The following ACYP2 variants were observed in gnomAD, a reference collection of about 807,000 sequenced individuals.
The protein encoded by ACYP2 is acylphosphatase-2.
In ACYP2, 12 loss-of-function variants were observed where a neutral mutation model predicts 11.2. The observed-to-expected ratio is 1.08, with a 90% CI of 0.69 to 1.74. The LOEUF (loss-of-function observed/expected upper bound fraction) is 1.74. Ranked by LOEUF, ACYP2 falls within the 40% of genes most tolerant of loss-of-function variation. ACYP2 has a pLI of 0.00. For synonymous variants in ACYP2, 43 were observed against 32.2 expected (o/e 1.33, Z -1.13); for missense variants, 134 against 101.9 (o/e 1.31, Z -1.35).
intron 6 of ACYP2, among the ~76,000 whole-genome samples, chr2:54,153,841 C>A (rs1682312012): frequency 6.6e-6 from 1 of 152,120 alleles, no homozygotes; most frequent in South Asian, 2.1e-4. Flanking sequence ...ACCTCGTGAT[C>A]TGCCTGCCTC....
intron 6 of ACYP2, among the ~76,000 whole-genome samples, chr2:54,219,195 T>C (rs1275273034): frequency 6.6e-6 from 1 of 151,724 alleles, no homozygotes; most frequent in Non-Finnish European, 1.5e-5. Flanking sequence ...AAAGATGGAG[T>C]TGACTAGAAA....
intron 4 of ACYP2, among the ~76,000 whole-genome samples, chr2:54,096,832 G>A (rs1049588366): frequency 1.3e-5 from 2 of 152,090 alleles, no homozygotes; most frequent in Admixed American, 1.3e-4. Context: ...GGAAAGAGAG[G>A]GAGAGGGAGA....
At chr2:54,267,365 G>T in intron 6 of ACYP2, 7 of 1,544,860 alleles carry the variant, frequency 4.5e-6, no homozygotes, top group Non-Finnish European at 6.1e-6. Context: ...GGAGAATTCA[G>T]GTGAGAGGTT....
intron 4 of ACYP2, among the ~76,000 whole-genome samples, chr2:54,119,771 T>C (rs539247411): frequency 2.0e-5 from 3 of 152,356 alleles, no homozygotes; most frequent in Non-Finnish European, 2.9e-5. Flanking sequence ...AAGTCCTTAC[T>C]TTTTTCAAGG....
At chr2:54,076,487 A>C (rs939204262) in intron 4 of ACYP2, among the ~76,000 whole-genome samples, 1 of 152,190 alleles carries the variant, frequency 6.6e-6, no homozygotes, top group African/African-American at 2.4e-5. Context: ...CCAGTGGCCC[A>C]GTCCCTAACT....
rs569376096 is a variant in ACYP2 at position 54,179,136 on chromosome 2, C to T, written c.404+40388C>T. On this transcript the variant is annotated intron_variant, in intron 6 of 6. Transcript: ENST00000607452. Reference sequence around the variant, plus strand: ...AGCACATTAAGGGAATGCCTTAATGCGCTTATTAAATGAAGTTTTTTGAGA... The same window carrying T: ...AGCACATTAAGGGAATGCCTTAATGTGCTTATTAAATGAAGTTTTTTGAGA... 4.5e-4 allele frequency among the ~76,000 whole-genome samples: 68 copies of T among 151,448 alleles called. No homozygotes were observed. The South Asian group carries it at 0.013, about 29-fold the overall frequency.
intron 6 of ACYP2, among the ~76,000 whole-genome samples, chr2:54,205,615 G>T (rs1053057293): frequency 1.3e-5 from 2 of 152,170 alleles, no homozygotes; most frequent in African/African-American, 4.8e-5. Flanking sequence ...AGATGGTAAA[G>T]ACCCATCTCT....
chr2:54,129,803 T>A (rs896166952), intron 4 of ACYP2, among the ~76,000 whole-genome samples: 10 of 148,850 alleles, frequency 6.7e-5, no homozygotes, highest in African/African-American at 2.4e-4. Context: ...AAACTTAAAG[T>A]CTAATAAATA....
chr2:54,276,367 A>G (rs1305722969), intron 6 of ACYP2, among the ~76,000 whole-genome samples: 1 of 152,158 alleles, frequency 6.6e-6, no homozygotes, highest in Non-Finnish European at 1.5e-5. Context: ...ACATTAGTCT[A>G]ATAGTTGTCA....
At chr2:54,043,601 T>A (rs1000684483) in intron 2 of ACYP2, among the ~76,000 whole-genome samples, 1 of 152,154 alleles carries the variant, frequency 6.6e-6, no homozygotes, top group Non-Finnish European at 1.5e-5. Context: ...AATTAAAAAA[T>A]TTTTTCCTGT....
rs930577823 is a variant in ACYP2, at chr2:54,256,211, G to A, written c.405-48477G>A. 7.2e-6 allele frequency: 11 copies of A among 1,530,194 alleles called. No individual in the cohort carries two copies. In the South Asian group the frequency reaches 1.2e-4, roughly 16 times the overall value. 94.8% of individuals were successfully genotyped at this position (1,530,194 alleles called of 1,614,324 possible). On this transcript the variant is annotated intron_variant, in intron 6 of 6. Transcript: ENST00000607452. ...CAGGCCAGAGGTAGGTAGCGTCAAC[G>A]TTCCTCACACAAAATGGCGAGTAAA... is the stretch of plus-strand genomic sequence containing the variant.
chr2:54,177,576 A>ATTTTTT (rs370517956), intron 6 of ACYP2, among the ~76,000 whole-genome samples: 3 of 130,776 alleles, frequency 2.3e-5, no homozygotes, highest in African/African-American at 2.8e-5. Flanking sequence ...GATACCTACT[A>ATTTTTT]TTTTTTTTTT....
intron 6 of ACYP2, among the ~76,000 whole-genome samples, chr2:54,163,837 C>T (rs971146699): frequency 1.3e-5 from 2 of 151,818 alleles, no homozygotes; most frequent in Admixed American, 6.6e-5. Flanking sequence ...GCCTGGCCAC[C>T]AAGAGCAAAA....
At chr2:54,231,372 T>G (rs187385102) in intron 6 of ACYP2, among the ~76,000 whole-genome samples, 5 of 152,340 alleles carry the variant, frequency 3.3e-5, no homozygotes, top group Non-Finnish European at 7.3e-5. Flanking sequence ...AGAAAAATAC[T>G]AAGATATAGC....
intron 6 of ACYP2, among the ~76,000 whole-genome samples, chr2:54,162,370 GCTT>G (rs917945345): frequency 5.3e-5 from 8 of 152,266 alleles, no homozygotes; most frequent in African/African-American, 1.9e-4. Context: ...TTTTGCTGCT[GCTT>G]CTTTTTCTTT....
At chr2:54,066,362 A>G (rs1489126043) in intron 4 of ACYP2, among the ~76,000 whole-genome samples, 1 of 152,224 alleles carries the variant, frequency 6.6e-6, no homozygotes, top group Non-Finnish European at 1.5e-5. Flanking sequence ...GCCTCGCCAG[A>G]CATGCAGAAC....
At chr2:54,084,682 C>G (rs1677852712) in intron 4 of ACYP2, 1 of 152,084 alleles carries the variant, frequency 6.6e-6, no homozygotes, top group Non-Finnish European at 1.5e-5. Flanking sequence ...CCACTGAAGC[C>G]AGACATTTGA....
At chr2:54,294,480 G>A (rs544745656) in intron 6 of ACYP2, among the ~76,000 whole-genome samples, 1 of 152,172 alleles carries the variant, frequency 6.6e-6, no homozygotes, top group Admixed American at 6.5e-5. Context: ...CGGTGGGATG[G>A]TATCTGCAGG....
intron 6 of ACYP2, among the ~76,000 whole-genome samples, chr2:54,145,368 G>A (rs1183275183): frequency 6.6e-6 from 1 of 152,182 alleles, no homozygotes; most frequent in Non-Finnish European, 1.5e-5. Context: ...TTGAATGAAG[G>A]AACTGATTTT....
Sources: gnomAD v4.1 joint callset for allele counts (sites outside exome capture counted in the v4.1 genomes callset) on GRCh38, gnomAD v4.1.1 for gene constraint, MANE v1.5 for transcripts, NCBI Gene and HGNC (gene_info 2026-07-23, HGNC 2026-07-21) for gene names.